The following PCDH15 variants were observed in gnomAD, a reference collection of about 807,000 sequenced individuals.
PCDH15 encodes protocadherin related 15, also known as protocadherin-15.
Under a neutral mutation model 178.5 loss-of-function variants are expected in PCDH15, and 129 were observed. The ratio of observed to expected loss-of-function variants is 0.72; its 90% confidence interval spans 0.63 to 0.84. The LOEUF is 0.84. Ranked by LOEUF, PCDH15 falls within the 40% of genes least tolerant of loss-of-function variation. The pLI is 0.00. For missense variants in PCDH15, 2,230 were observed against 2,099.9 expected (o/e 1.06, Z -1.21); for synonymous variants, 800 against 732.0 (o/e 1.09, Z -1.50).
At chr10:55,582,609 TA>T (rs1842638258) in intron 2 of PCDH15, among the ~76,000 whole-genome samples, 2 of 90,644 alleles carry the variant, frequency 2.2e-5, no homozygotes, top group African/African-American at 1.1e-4. Flanking sequence ...TATATATATA[TA>T]TATATATATA....
At chr10:55,385,322 A>G (rs1392246274) in intron 2 of PCDH15, among the ~76,000 whole-genome samples, 1 of 152,066 alleles carries the variant, frequency 6.6e-6, no homozygotes, top group Non-Finnish European at 1.5e-5. Context: ...ACAGATTACC[A>G]ATGGAAAGAT....
At chr10:54,353,791 A>G (rs1395225315) in intron 5 of PCDH15, among the ~76,000 whole-genome samples, 3 of 152,130 alleles carry the variant, frequency 2.0e-5, no homozygotes, top group African/African-American at 7.2e-5. Flanking sequence ...TTTTTATCAC[A>G]AAGACTAGAT....
At chr10:53,841,958 A>AC (rs2077676935) in intron 28 of PCDH15, among the ~76,000 whole-genome samples, 1 of 151,610 alleles carries the variant, frequency 6.6e-6, no homozygotes, top group Admixed American at 6.6e-5. Context: ...AAAAAAAAAA[A>AC]AAAAAAACAA....
At chr10:55,136,926 G>C (rs947179313) in intron 2 of PCDH15, among the ~76,000 whole-genome samples, 2 of 152,098 alleles carry the variant, frequency 1.3e-5, no homozygotes, top group African/African-American at 4.8e-5. Context: ...CCAATACGCA[G>C]AAAAATATCA....
intron 17 of PCDH15, among the ~76,000 whole-genome samples, chr10:54,076,477 TTTTC>T (rs1273084064): frequency 6.6e-6 from 1 of 152,012 alleles, no homozygotes; most frequent in Non-Finnish European, 1.5e-5. Flanking sequence ...TCTCTCTCTC[TTTTC>T]TTTCTTTTTT....
chr10:55,521,351 A>C (rs1841170949), intron 2 of PCDH15, among the ~76,000 whole-genome samples: 2 of 151,980 alleles, frequency 1.3e-5, no homozygotes, highest in South Asian at 4.1e-4. Flanking sequence ...AATCAAAAGT[A>C]TTTTAAAGTC....
chr10:55,374,320 G>C (rs981849065), intron 2 of PCDH15, among the ~76,000 whole-genome samples: 1 of 152,104 alleles, frequency 6.6e-6, no homozygotes, highest in African/African-American at 2.4e-5. Flanking sequence ...GCTACTGGGA[G>C]AGGCCCTCTG....
At chr10:55,536,983 T>C (rs1310402704) in intron 2 of PCDH15, among the ~76,000 whole-genome samples, 1 of 151,508 alleles carries the variant, frequency 6.6e-6, no homozygotes, top group Non-Finnish European at 1.5e-5. Flanking sequence ...TAAATTTAGA[T>C]TTTTTTTCTG....
In PCDH15 at chr10:55,434,881, G is replaced by A. The variant is rs191745968; in HGVS notation, c.-156+192744C>T. ...GGCCTCCCAGAGAGCTAGGTTACAG[G>A]CGTGAGCCACCACACCCAGCCTGAT... On this transcript the variant is annotated intron_variant, in intron 2 of 5. Coordinates refer to the PCDH15 transcript ENST00000613346. Among the ~76,000 whole-genome samples the A allele has an allele frequency of 1.7e-3, 257 of 152,214 alleles. 3 individuals carry two copies. Among genetic ancestry groups the A allele is most frequent in the Non-Finnish European group, 1.7e-3 (114 of 68,020 alleles).
chr10:54,763,731 T>C (rs1241060230), intron 1 of PCDH15, among the ~76,000 whole-genome samples: 1 of 147,174 alleles, frequency 6.8e-6, no homozygotes, highest in Admixed American at 6.9e-5. Flanking sequence ...TTTTTATGGA[T>C]ACATAAGAGT....
intron 8 of PCDH15, among the ~76,000 whole-genome samples, chr10:54,246,140 A>C (rs1191377580): frequency 6.6e-6 from 1 of 151,998 alleles, no homozygotes; most frequent in Admixed American, 6.6e-5. Context: ...TGCACAATAT[A>C]TAATGTACTT....
chr10:55,109,713 T>G (rs1363555828), intron 2 of PCDH15, among the ~76,000 whole-genome samples: 1 of 152,108 alleles, frequency 6.6e-6, no homozygotes, highest in Non-Finnish European at 1.5e-5. Context: ...TGTACAAGTA[T>G]GTTGAAGTTA....
intron 2 of PCDH15, among the ~76,000 whole-genome samples, chr10:54,577,842 CTAAATAAATGAATAAATAAATAAATAAA>C (rs2090649759): frequency 6.9e-5 from 10 of 144,876 alleles, no homozygotes; most frequent in South Asian, 2.2e-4. Context: ...CTGTTTAAGC[CTAAATAAATGAATAAATAAATAAATAAA>C]TAAATAAATA....
intron 1 of PCDH15, among the ~76,000 whole-genome samples, chr10:55,309,415 G>A (rs1284589901): frequency 2.0e-5 from 3 of 151,922 alleles, no homozygotes; most frequent in Non-Finnish European, 4.4e-5. Flanking sequence ...TATTCAAGAG[G>A]TTGAGGTGGG....
intron 2 of PCDH15, among the ~76,000 whole-genome samples, chr10:55,519,109 A>G: frequency 6.6e-6 from 1 of 150,582 alleles, no homozygotes; most frequent in East Asian, 2.0e-4. Flanking sequence ...AAAAAAAAAA[A>G]AAAAAAAACA....
At chr10:54,545,123 G>A (rs1047509397) in intron 2 of PCDH15, among the ~76,000 whole-genome samples, 1 of 152,096 alleles carries the variant, frequency 6.6e-6, no homozygotes, top group Non-Finnish European at 1.5e-5. Flanking sequence ...AAAGACACCT[G>A]GCTAAAGGAA....
intron 3 of PCDH15, among the ~76,000 whole-genome samples, chr10:54,440,470 TCAA>T (rs1565282557): frequency 6.6e-6 from 1 of 151,966 alleles, no homozygotes; most frequent in Non-Finnish European, 1.5e-5. Context: ...ATTTCATCAA[TCAA>T]CAAATAAATT....
chr10:53,883,522 A>C (rs775207965), intron 26 of PCDH15, among the ~76,000 whole-genome samples: 37 of 152,152 alleles, frequency 2.4e-4, no homozygotes, highest in Non-Finnish European at 4.6e-4. Context: ...CTGCTCTGCC[A>C]CTTAAAAAAC....
intron 3 of PCDH15, among the ~76,000 whole-genome samples, chr10:54,396,071 C>A (rs1951178738): frequency 6.6e-6 from 1 of 152,148 alleles, no homozygotes; most frequent in Non-Finnish European, 1.5e-5. Context: ...GGACGATATA[C>A]ATTTACAAAG....
Sources: gnomAD v4.1 joint callset for allele counts (sites outside exome capture counted in the v4.1 genomes callset) on GRCh38, gnomAD v4.1.1 for gene constraint, MANE v1.5 for transcripts, NCBI Gene and HGNC (gene_info 2026-07-23, HGNC 2026-07-21) for gene names.